E2F1: variants seen among roughly 807,000 people sequenced by gnomAD.
E2F1 encodes E2F transcription factor 1.
E2F1 carries 7 observed loss-of-function variants against 36.9 expected under a neutral mutation model. The observed-to-expected ratio is 0.19, with a 90% CI of 0.11 to 0.36. The LOEUF is 0.36. E2F1 is among the 10% of genes least tolerant of loss of function. E2F1 has a pLI of 1.00. For synonymous variants in E2F1, 261 were observed against 263.1 expected (o/e 0.99, Z 0.08); for missense variants, 406 against 573.6 (o/e 0.71, Z 2.99).
In E2F1 at chr20:33,676,589, G is replaced by T. The variant is rs2017960119; in HGVS notation, c.*143C>A. The T allele has an allele frequency of 1.5e-6, 2 of 1,292,372 alleles. No homozygotes were observed. The highest frequency in any genetic ancestry group is 5.2e-5 in the East Asian group (2 of 38,356). 80.1% of individuals were successfully genotyped at this position (1,292,372 alleles called of 1,614,324 possible). On this transcript the variant is annotated 3_prime_UTR_variant, in exon 7 of 7. Transcript: ENST00000343380. ...GCCTCCTAGCGGTAGCCAGACCCCA[G>T]AGCTAGAAGCTTCTGGAGACAGAGG...
At chr20:33,678,620 T>G (rs935642606) in intron 3 of E2F1, among the ~76,000 whole-genome samples, 5 of 150,344 alleles carry the variant, frequency 3.3e-5, no homozygotes, top group African/African-American at 1.2e-4. Flanking sequence ...ATATTACACA[T>G]GCACACACAC....
At position 33,685,462 on chromosome 20, in the gene E2F1, C is replaced by A. The variant is rs578089427; in HGVS notation, c.261+542G>T. 2.9e-4 allele frequency among the ~76,000 whole-genome samples: 44 copies of A among 152,158 alleles called. 1 individual carries two copies. Among genetic ancestry groups the A allele is most frequent in the Non-Finnish European group, 1.2e-4 (8 of 68,022 alleles). On this transcript the variant is annotated intron_variant, in intron 1 of 6. Coordinates refer to ENST00000343380, the MANE Select transcript of E2F1 (RefSeq NM_005225.3). The stretch of plus-strand genomic sequence containing the variant: ...ACCAACGGTTAGGCCCCAGGACTTT[C>A]CTCCGCCCCGCCTTCACTTCCCCTA...
At chr20:33,677,638 T>C (rs2017977847) in intron 4 of E2F1, 98 bp from the exon 5 acceptor site, 1 of 889,898 alleles carries the variant, frequency 1.1e-6, no homozygotes, top group African/African-American at 1.7e-5. Flanking sequence ...GTCACTCCTG[T>C]CCTCCCAACC....
chr20:33,677,390 C>T (rs2017975445), intron 5 of E2F1, 36 bp downstream of exon 5: 2 of 1,611,392 alleles, frequency 1.2e-6, no homozygotes, highest in Admixed American at 1.7e-5. Context: ...CCCAGCCCAG[C>T]CCAGCCCAGT....
chr20:33,676,835 G>A lies in E2F1; in HGVS notation c.1211C>T (p.Pro404Leu). ...GTGGTAGTCGAGGGCCTCGTGGGGT[G>A]GGGAAAGGCTGATGAACTCCTCAGG... The part of the protein sequence containing the change: ...LLPEEFISLS[P>L]PHEALDYHFG... The change falls in exon 7 of 7, where the codon CCA becomes CTA. Residue 404 changes from proline (P) to leucine (L), a missense_variant. Physicochemically the swap from Pro to Leu is moderately conservative, Grantham distance 98. Transcript: ENST00000343380. The A allele has an allele frequency of 6.3e-7, 1 of 1,595,018 alleles. No homozygotes were observed. Among genetic ancestry groups the A allele is most frequent in the Non-Finnish European group, 8.5e-7 (1 of 1,169,946 alleles).
Position 33,676,985 on chromosome 20 carries a change from G to C in E2F1, c.1067-6C>G. 1 of 1,560,356 alleles carries C rather than the reference G, an allele frequency of 6.4e-7. No individual in the cohort carries two copies. The highest frequency in any genetic ancestry group is 2.3e-5 in the East Asian group (1 of 43,042). On this transcript the variant is annotated splice_polypyrimidine_tract_variant and splice_region_variant and intron_variant, in intron 6 of 6. Transcript: ENST00000343380. ...CATCCGGGACAACAGCGGTTCTGGG[G>C]AGACGGGGAGCATCACAGGCCGGGG...
chr20:33,685,880 G>T, intron 1 of E2F1, 124 bp downstream of exon 1: 1 of 937,268 alleles, frequency 1.1e-6, no homozygotes, highest in Non-Finnish European at 1.3e-6. Context: ...GCACCGCCCA[G>T]CCTGGGCGCC....
At chr20:33,683,097 A>G (rs1460080798) in intron 1 of E2F1, among the ~76,000 whole-genome samples, 2 of 152,162 alleles carry the variant, frequency 1.3e-5, no homozygotes, top group Non-Finnish European at 2.9e-5. Flanking sequence ...AGCCTTAGGG[A>G]AAAAAAGGAA....
At chr20:33,680,079 G>T in intron 2 of E2F1, 105 bp from the exon 3 acceptor site, 1 of 1,059,872 alleles carries the variant, frequency 9.4e-7, no homozygotes, top group Non-Finnish European at 1.4e-6. Flanking sequence ...ATGGGGGCTG[G>T]GGGACAGCCA....
Position 33,677,188 on chromosome 20 carries a change from G to T in E2F1, c.983C>A (p.Ala328Asp). The T allele has an allele frequency of 6.2e-7, 1 of 1,614,182 alleles. No individual in the cohort carries two copies. Among genetic ancestry groups the T allele is most frequent in the South Asian group, 1.1e-5 (1 of 91,082 alleles). Residue 328 changes from alanine (A) to aspartate (D), a missense_variant, in exon 6 of 7, where the codon GCC (alanine) becomes GAC (aspartate). Physicochemically the swap from Ala to Asp is moderately radical, Grantham distance 126. Around this residue, in one of 5 missense-constraint regions of E2F1, gnomAD observed 163 missense variants for 181.5 expected, o/e 0.90. Coordinates refer to ENST00000343380, the MANE Select transcript of E2F1 (RefSeq NM_005225.3). ...SEEENRATDS[A>D]TIVSPPPSSP... ...TGATGGTGGTGGTGACACTATGGTGGCAGAGTCAGTGGCCCTGTTCTCCTC... is the reference window on the plus strand; with the variant it reads ...TGATGGTGGTGGTGACACTATGGTGTCAGAGTCAGTGGCCCTGTTCTCCTC...
At chr20:33,678,149 G>A (rs987605539) in intron 4 of E2F1, 52 bp downstream of exon 4, 2 of 1,564,164 alleles carry the variant, frequency 1.3e-6, no homozygotes, top group South Asian at 1.2e-5. Flanking sequence ...CTTGGGTGGA[G>A]CCCCTGCCTG....
chr20:33,676,474 T>C lies in E2F1; in HGVS notation c.*258A>G, dbSNP rs1024125034. On this transcript the variant is annotated 3_prime_UTR_variant, in exon 7 of 7. Coordinates refer to ENST00000343380, the MANE Select transcript of E2F1 (RefSeq NM_005225.3). ...CCCCGGTACATGCACACACACATGC[T>C]CACACACATTCACCCCCGGTACACA... 1 of 475,258 alleles carries C rather than the reference T, an allele frequency of 2.1e-6. No homozygotes were observed. Among genetic ancestry groups the C allele is most frequent in the Non-Finnish European group, 3.7e-6 (1 of 269,160 alleles). The allele number at this position is 475,258 out of a possible 1,614,324, so 29.4% of individuals were successfully genotyped here. A position where few individuals can be genotyped will look rare whatever the true frequency, so the allele number is the denominator to read the frequency against.
intron 3 of E2F1, 97 bp from the exon 4 acceptor site, chr20:33,678,450 C>G: frequency 6.8e-7 from 1 of 1,462,562 alleles, no homozygotes; most frequent in Non-Finnish European, 9.2e-7. Flanking sequence ...TGCCTCTGTT[C>G]TGTGAGGCCT....
At chr20:33,683,772 C>CAA (rs892718749) in intron 1 of E2F1, among the ~76,000 whole-genome samples, 1 of 142,642 alleles carries the variant, frequency 7.0e-6, no homozygotes, top group East Asian at 2.0e-4. Context: ...ACCCTGTCTC[C>CAA]AAAAAAAAAA....
chr20:33,677,603 A>C, intron 4 of E2F1, 63 bp from the exon 5 acceptor site: 56 of 1,326,436 alleles, frequency 4.2e-5, no homozygotes, highest in Non-Finnish European at 5.5e-5. Flanking sequence ...CCAACAGCTC[A>C]CAAGGCAGGG....
rs986053956 is a variant in E2F1 at position 33,685,574 on chromosome 20, G to A, written c.261+430C>T. On this transcript the variant is annotated intron_variant, in intron 1 of 6. Coordinates refer to ENST00000343380, the MANE Select transcript of E2F1 (RefSeq NM_005225.3). ...TCCCAGCCCCACCACCTGCAGCCGT[G>A]TGACCAGGGGCAAGTCACTTTCCCT... 9.2e-5 allele frequency among the ~76,000 whole-genome samples: 14 copies of A among 152,238 alleles called. No homozygotes were observed. The East Asian group carries it at 2.3e-3, about 25-fold the overall frequency.
intron 1 of E2F1, among the ~76,000 whole-genome samples, chr20:33,682,844 CACAT>C (rs1294274803): frequency 2.6e-5 from 4 of 152,214 alleles, no homozygotes. Flanking sequence ...AATCCCCTCA[CACAT>C]ACAGACAAGC....
At chr20:33,685,780 C>T (rs2018061922) in intron 1 of E2F1, among the ~76,000 whole-genome samples, 1 of 152,196 alleles carries the variant, frequency 6.6e-6, no homozygotes, top group African/African-American at 2.4e-5. Flanking sequence ...GGTGAGGAAG[C>T]TGAGGCGCAG....
chr20:33,682,741 G>A (rs988637008), intron 1 of E2F1, among the ~76,000 whole-genome samples: 6 of 152,168 alleles, frequency 3.9e-5, no homozygotes, highest in African/African-American at 1.4e-4. Flanking sequence ...TGGATGACTC[G>A]AACACCCATC....
Sources: gnomAD v4.1 joint callset for allele counts (sites outside exome capture counted in the v4.1 genomes callset) on GRCh38, gnomAD v4.1.1 for gene constraint, gnomAD v4.1.1 regional missense constraint, MANE v1.5 for transcripts, NCBI Gene and HGNC (gene_info 2026-07-23, HGNC 2026-07-21) for gene names.